C10orf67: variants seen among roughly 807,000 people sequenced by gnomAD.
The protein encoded by C10orf67 is chromosome 10 open reading frame 67.
Under a neutral mutation model 35.6 loss-of-function variants are expected in C10orf67, and 60 were observed. That is an observed-to-expected ratio of 1.68 (90% confidence interval 1.37 to 2.09). The LOEUF is 2.09. C10orf67 is among the 30% of genes most tolerant of loss of function. C10orf67 has a pLI of 0.00. For synonymous variants in C10orf67, 167 were observed against 115.8 expected (o/e 1.44, Z -2.84); for missense variants, 474 against 330.2 (o/e 1.44, Z -3.38).
intron 2 of C10orf67, among the ~76,000 whole-genome samples, chr10:23,323,894 A>T (rs866385897): frequency 4.2e-4 from 18 of 42,806 alleles, no homozygotes; most frequent in African/African-American, 1.1e-3. Flanking sequence ...ACTCCGTCTA[A>T]ATATATATAT....
chr10:23,227,629 G>A (rs976454366), intron 13 of C10orf67, among the ~76,000 whole-genome samples: 7 of 152,150 alleles, frequency 4.6e-5, no homozygotes, highest in Non-Finnish European at 8.8e-5. Flanking sequence ...ACTTAATTTG[G>A]AAAAGAGGAA....
chr10:23,307,745 T>A (rs1222089869), intron 4 of C10orf67, among the ~76,000 whole-genome samples: 2 of 151,802 alleles, frequency 1.3e-5, no homozygotes, highest in Non-Finnish European at 2.9e-5. Flanking sequence ...GCCTCCAAAG[T>A]AGCTGAGACT....
intron 8 of C10orf67, among the ~76,000 whole-genome samples, chr10:23,273,565 C>T (rs1843091118): frequency 6.6e-6 from 1 of 152,196 alleles, no homozygotes; most frequent in African/African-American, 2.4e-5. Context: ...GGTCCAGGTG[C>T]AGATGAGGCT....
At chr10:23,294,734 T>C (rs1843826941) in intron 5 of C10orf67, among the ~76,000 whole-genome samples, 1 of 152,256 alleles carries the variant, frequency 6.6e-6, no homozygotes, top group African/African-American at 2.4e-5. Context: ...ACTTTTTTTT[T>C]CAACTTACTT....
rs1491072400 is a variant in C10orf67 at position 23,322,452 on chromosome 10, A to AC, written c.412_413insG (p.Leu138CysfsTer9). Reference sequence around the variant, plus strand: ...GTCATGCAGAATGGTGAAGAGACTCAAAGATTCCTCTTTCAGTCGGTCCTC... The same window carrying AC: ...GTCATGCAGAATGGTGAAGAGACTCACAAGATTCCTCTTTCAGTCGGTCCTC... On this transcript the variant is annotated frameshift_variant, in exon 3 of 16. Coordinates refer to ENST00000636213, the MANE Select transcript of C10orf67 (RefSeq NM_001371909.1). LOFTEE classifies it high-confidence loss of function. 6.2e-7 allele frequency: 1 copy of AC among 1,611,126 alleles called. No homozygotes were observed. The highest frequency in any genetic ancestry group is 1.1e-5 in the South Asian group (1 of 91,012).
intron 4 of C10orf67, among the ~76,000 whole-genome samples, chr10:23,305,983 A>ACC (rs1411077680): frequency 1.3e-5 from 2 of 151,814 alleles, no homozygotes; most frequent in Non-Finnish European, 2.9e-5. Flanking sequence ...ACACACACAC[A>ACC]CACTCTCTCT....
intron 15 of C10orf67, among the ~76,000 whole-genome samples, chr10:23,218,487 C>T (rs904030910): frequency 1.9e-4 from 29 of 152,020 alleles, no homozygotes; most frequent in Admixed American, 1.0e-3. Context: ...AAATTATATG[C>T]CTCAAGTATT....
Position 23,226,624 on chromosome 10 carries a change from C to A in C10orf67, c.1435-2806G>T, listed in dbSNP as rs530119382. Among the ~76,000 whole-genome samples, 72 of 152,108 alleles carry A rather than the reference C, an allele frequency of 4.7e-4. 1 individual carries two copies. In the East Asian group the frequency reaches 0.014, roughly 29 times the overall value. ...CTGAAGGAGATACAGACGCAAAAAA[C>A]CCTTCAAAAAATCAATGAATCCAGG... On this transcript the variant is annotated intron_variant, in intron 13 of 15. Coordinates refer to ENST00000636213, the MANE Select transcript of C10orf67 (RefSeq NM_001371909.1).
At chr10:23,256,411 A>C (rs1842601667) in intron 10 of C10orf67, among the ~76,000 whole-genome samples, 1 of 152,206 alleles carries the variant, frequency 6.6e-6, no homozygotes, top group Non-Finnish European at 1.5e-5. Context: ...CTACAAAATC[A>C]CAACTTCTCT....
chr10:23,296,669 A>T (rs888991411), intron 5 of C10orf67, among the ~76,000 whole-genome samples: 1 of 152,170 alleles, frequency 6.6e-6, no homozygotes, highest in African/African-American at 2.4e-5. Context: ...TGTCATTAAC[A>T]TCGGAGCATG....
At chr10:23,324,783 A>T (rs1845116222) in intron 2 of C10orf67, among the ~76,000 whole-genome samples, 1 of 152,204 alleles carries the variant, frequency 6.6e-6, no homozygotes, top group Admixed American at 6.5e-5. Context: ...GATCTGATTC[A>T]AAAGCTGAGA....
chr10:23,221,646 A>G (rs1841584089), intron 15 of C10orf67, among the ~76,000 whole-genome samples: 1 of 152,130 alleles, frequency 6.6e-6, no homozygotes, highest in Non-Finnish European at 1.5e-5. Flanking sequence ...GTGCAAAGCT[A>G]TTTTGTCCCT....
At chr10:23,343,963 C>A (rs1208407396) in intron 1 of C10orf67, 1 of 465,814 alleles carries the variant, frequency 2.1e-6, no homozygotes, top group Non-Finnish European at 4.4e-6. Flanking sequence ...GATCTTCCGG[C>A]CCTCCTCTGT....
In C10orf67 at chr10:23,227,329, A is replaced by G. The variant is rs1841768666; in HGVS notation, c.1435-3511T>C. Among the ~76,000 whole-genome samples, 6 of 152,342 alleles carry G rather than the reference A, an allele frequency of 3.9e-5. No homozygotes were observed. In the South Asian group the frequency reaches 1.2e-3, roughly 32 times the overall value. ...ATCCAGCATATAAACAGAACCAAAG[A>G]CAAAAACCACATGATTATCTCAATA... On this transcript the variant is annotated intron_variant, in intron 13 of 15. Transcript: ENST00000636213.
intron 15 of C10orf67, among the ~76,000 whole-genome samples, chr10:23,217,888 A>G (rs968419350): frequency 6.6e-6 from 1 of 152,166 alleles, no homozygotes; most frequent in African/African-American, 2.4e-5. Context: ...TGATCTTGCA[A>G]ATTCAAAGTA....
chr10:23,280,692 A>G (rs1043662608), intron 8 of C10orf67, among the ~76,000 whole-genome samples: 43 of 152,290 alleles, frequency 2.8e-4, no homozygotes, highest in African/African-American at 1.0e-3. Context: ...TAAACCACAA[A>G]ATAAAACGTG....
intron 2 of C10orf67, among the ~76,000 whole-genome samples, chr10:23,327,678 A>G (rs1357358091): frequency 6.6e-6 from 1 of 152,076 alleles, no homozygotes; most frequent in African/African-American, 2.4e-5. Flanking sequence ...TACAAAAATT[A>G]TCCGGGCGTG....
chr10:23,341,842 T>C (rs1312366772), intron 1 of C10orf67, among the ~76,000 whole-genome samples: 2 of 152,170 alleles, frequency 1.3e-5, no homozygotes, highest in Admixed American at 1.3e-4. Flanking sequence ...CAGTGTCATT[T>C]TCTCAGTGAA....
chr10:23,233,950 G>A (rs1228812233), intron 13 of C10orf67, among the ~76,000 whole-genome samples: 1 of 152,134 alleles, frequency 6.6e-6, no homozygotes. Flanking sequence ...TATCACACAT[G>A]TCACCTATGT....
Sources: allele counts gnomAD v4.1 joint callset (sites outside exome capture counted in the v4.1 genomes callset), GRCh38; gene constraint gnomAD v4.1.1; transcripts MANE v1.5; gene names NCBI Gene and HGNC (gene_info 2026-07-23, HGNC 2026-07-21).